Variants in PTPRT observed in about 807,000 individuals in gnomAD.
The protein encoded by PTPRT is protein tyrosine phosphatase receptor type T.
PTPRT carries 56 observed loss-of-function variants against 176.8 expected under a neutral mutation model. The ratio of observed to expected loss-of-function variants is 0.32; its 90% confidence interval spans 0.26 to 0.40. PTPRT has a LOEUF of 0.40. Among genes scored for constraint, PTPRT ranks in the 10% least tolerant of loss-of-function variants. PTPRT has a pLI of 1.00. For synonymous variants in PTPRT, 783 were observed against 739.0 expected (o/e 1.06, Z -0.96); for missense variants, 1,540 against 1,908.2 (o/e 0.81, Z 3.60).
intron 1 of PTPRT, among the ~76,000 whole-genome samples, chr20:43,028,658 T>TG (rs1986016835): frequency 6.6e-6 from 1 of 152,186 alleles, no homozygotes; most frequent in Admixed American, 6.5e-5. Context: ...CCAACAGAGC[T>TG]GCTAAGTGCT....
intron 7 of PTPRT, among the ~76,000 whole-genome samples, chr20:42,674,956 G>C (rs1363581413): frequency 6.6e-6 from 1 of 150,820 alleles, no homozygotes; most frequent in East Asian, 1.9e-4. Context: ...CACGAATTCT[G>C]CATTTGCTTA....
intron 2 of PTPRT, among the ~76,000 whole-genome samples, chr20:42,819,632 T>C (rs1281575330): frequency 6.6e-6 from 1 of 152,018 alleles, no homozygotes; most frequent in East Asian, 1.9e-4. Flanking sequence ...TCAAGAGGCA[T>C]TGGTGTGCTG....
chr20:43,105,568 T>C (rs943579135), intron 1 of PTPRT, among the ~76,000 whole-genome samples: 3 of 152,156 alleles, frequency 2.0e-5, no homozygotes, highest in Admixed American at 6.5e-5. Context: ...ACCTGGCTAA[T>C]TTTTGTATTT....
At chr20:42,300,257 C>CA (rs761176814) in intron 12 of PTPRT, among the ~76,000 whole-genome samples, 11,800 of 49,072 alleles carry the variant, frequency 0.24, 1,163 homozygotes, top group Non-Finnish European at 0.29. Flanking sequence ...AACTCCGTCT[C>CA]AAAAAAAAAA....
chr20:42,106,721 T>TATCA, intron 24 of PTPRT, 65 bp downstream of exon 24: 2 of 1,570,998 alleles, frequency 1.3e-6, no homozygotes, highest in Non-Finnish European at 1.7e-6. Flanking sequence ...CTCTCCGTTC[T>TATCA]ATCATCATGT....
chr20:42,883,090 C>T (rs1019990504), intron 2 of PTPRT, among the ~76,000 whole-genome samples: 2 of 152,174 alleles, frequency 1.3e-5, no homozygotes, highest in South Asian at 4.1e-4. Context: ...TTTGGTCTTT[C>T]CTGGAGCAAT....
At chr20:42,287,398 A>G (rs2057248496) in intron 12 of PTPRT, among the ~76,000 whole-genome samples, 1 of 152,032 alleles carries the variant, frequency 6.6e-6, no homozygotes, top group Non-Finnish European at 1.5e-5. Flanking sequence ...CTATTCAGCC[A>G]TAAAAAGAAT....
chr20:42,125,350 T>C (rs751193982), intron 19 of PTPRT, among the ~76,000 whole-genome samples: 3 of 152,202 alleles, frequency 2.0e-5, no homozygotes, highest in Non-Finnish European at 2.9e-5. Context: ...TTACCCAAGA[T>C]CATAAAGCTA....
chr20:42,044,621 AAAT>A, the PTPRT span, among the ~76,000 whole-genome samples: 12 of 152,356 alleles, frequency 7.9e-5, no homozygotes, highest in Admixed American at 5.2e-4. Flanking sequence ...TTTATAAGTA[AAAT>A]AATGTTAAGT....
At chr20:42,215,645 T>C (rs1178513502) in intron 15 of PTPRT, among the ~76,000 whole-genome samples, 1 of 81,676 alleles carries the variant, frequency 1.2e-5, no homozygotes, top group Non-Finnish European at 3.5e-5. Context: ...AACCAGCCAG[T>C]GGGGCAGATG....
intron 1 of PTPRT, among the ~76,000 whole-genome samples, chr20:43,022,685 C>A (rs566637818): frequency 1.3e-5 from 2 of 152,172 alleles, no homozygotes; most frequent in South Asian, 4.2e-4. Flanking sequence ...TTATCTGATC[C>A]CATCAGGAGG....
At chr20:42,572,030 C>T (rs937018542) in intron 7 of PTPRT, among the ~76,000 whole-genome samples, 6 of 152,290 alleles carry the variant, frequency 3.9e-5, no homozygotes, top group East Asian at 1.9e-4. Flanking sequence ...ATTCATTGCT[C>T]ACAGTTCTGG....
chr20:43,174,421 G>A (rs2015078517), intron 1 of PTPRT, among the ~76,000 whole-genome samples: 1 of 152,214 alleles, frequency 6.6e-6, no homozygotes, highest in Non-Finnish European at 1.5e-5. Flanking sequence ...TAATGTTAGT[G>A]CTTCCTATTT....
intron 11 of PTPRT, among the ~76,000 whole-genome samples, chr20:42,338,456 C>T (rs141507785): frequency 4.7e-4 from 72 of 152,258 alleles, no homozygotes; most frequent in Non-Finnish European, 8.5e-4. Flanking sequence ...GCTTCAACTC[C>T]TATTGTGACT....
intron 1 of PTPRT, among the ~76,000 whole-genome samples, chr20:43,071,532 C>T (rs2011180353): frequency 6.6e-6 from 1 of 152,142 alleles, no homozygotes; most frequent in African/African-American, 2.4e-5. Context: ...TGCCTGTAAT[C>T]CCAGCACTTT....
At chr20:42,694,443 A>G (rs1437928659) in intron 6 of PTPRT, among the ~76,000 whole-genome samples, 1 of 152,180 alleles carries the variant, frequency 6.6e-6, no homozygotes, top group Non-Finnish European at 1.5e-5. Context: ...TTGTTTAACC[A>G]TTCTCCCGTT....
rs151006923 is a variant in PTPRT, at chr20:42,847,288, G to A, written c.214+38519C>T. Reference sequence around the variant, plus strand: ...CGAGAAGATCCCCTTGAGAGGAACAGCAACCTTCAGTCAAGACACACGGCT... The same window carrying A: ...CGAGAAGATCCCCTTGAGAGGAACAACAACCTTCAGTCAAGACACACGGCT... On this transcript the variant is annotated intron_variant, in intron 2 of 30. Coordinates refer to ENST00000373187, the MANE Select transcript of PTPRT (RefSeq NM_007050.6). Among the ~76,000 whole-genome samples the A allele has an allele frequency of 1.4e-4, 22 of 152,296 alleles. No homozygotes were observed. The East Asian group carries it at 4.3e-3, about 29-fold the overall frequency.
intron 7 of PTPRT, among the ~76,000 whole-genome samples, chr20:42,587,414 A>G: frequency 6.6e-6 from 1 of 152,232 alleles, no homozygotes; most frequent in East Asian, 1.9e-4. Flanking sequence ...TTTGGTCATA[A>G]GATAAACTCA....
At chr20:42,762,317 GTGAGGC>G (rs746486100) in intron 5 of PTPRT, among the ~76,000 whole-genome samples, 7 of 152,160 alleles carry the variant, frequency 4.6e-5, no homozygotes, top group Non-Finnish European at 8.8e-5. Flanking sequence ...GAGGTCTGGG[GTGAGGC>G]TGGATAATTA....
Sources: gnomAD v4.1 joint callset for allele counts (sites outside exome capture counted in the v4.1 genomes callset) on GRCh38, gnomAD v4.1.1 for gene constraint, MANE v1.5 for transcripts, NCBI Gene and HGNC (gene_info 2026-07-23, HGNC 2026-07-21) for gene names.